Variants in MSI2 observed in about 807,000 individuals in gnomAD.
MSI2 encodes RNA-binding protein Musashi homolog 2.
A neutral mutation model predicts 45.6 loss-of-function variants in MSI2; 17 were observed. The ratio of observed to expected loss-of-function variants is 0.37; its 90% CI spans 0.26 to 0.56. The LOEUF (loss-of-function observed/expected upper bound fraction) is 0.56, where lower values mean the gene tolerates loss of function less well. MSI2 is among the 20% of genes least tolerant of loss of function. The pLI, the probability that MSI2 is intolerant of heterozygous loss-of-function variation, is 0.77. For synonymous variants in MSI2, 156 were observed against 158.2 expected, an observed-to-expected ratio of 0.99 and a Z score of 0.11; for missense variants, 293 against 444.2, an observed-to-expected ratio of 0.66 and a Z score of 3.06.
chr17:57,579,223 G>A (rs536945502), intron 7 of MSI2, among the ~76,000 whole-genome samples: 91 of 152,298 alleles, frequency 6.0e-4, no homozygotes, highest in Middle Eastern at 6.8e-3. Context: ...TAAGGCCCCA[G>A]ACACAAATAA....
intron 7 of MSI2, among the ~76,000 whole-genome samples, chr17:57,570,572 C>T (rs2087851495): frequency 6.6e-6 from 1 of 152,224 alleles, no homozygotes; most frequent in African/African-American, 2.4e-5. Flanking sequence ...ACACTCTTCC[C>T]TGCCTGCCTT....
At chr17:57,580,770 T>A (rs2088179835) in intron 7 of MSI2, among the ~76,000 whole-genome samples, 1 of 152,122 alleles carries the variant, frequency 6.6e-6, no homozygotes, top group African/African-American at 2.4e-5. Context: ...TGAGTTCAAA[T>A]ACACTTCCAA....
chr17:57,393,422 T>C (rs958635826), intron 5 of MSI2, among the ~76,000 whole-genome samples: 2 of 152,242 alleles, frequency 1.3e-5, no homozygotes, highest in Admixed American at 6.5e-5. Flanking sequence ...CATAACGCTT[T>C]CAAGGTTCAT....
At chr17:57,433,536 G>A (rs565310026) in intron 6 of MSI2, among the ~76,000 whole-genome samples, 26 of 152,300 alleles carry the variant, frequency 1.7e-4, no homozygotes, top group South Asian at 1.2e-3. Context: ...CTAGAACTGC[G>A]AGACGTAAAT....
At chr17:57,342,631 A>C (rs1488802067) in intron 5 of MSI2, among the ~76,000 whole-genome samples, 1 of 152,214 alleles carries the variant, frequency 6.6e-6, no homozygotes, top group East Asian at 1.9e-4. Context: ...TCACAGTTGC[A>C]GTCTCTTTCT....
chr17:57,451,439 C>A (rs1442855792), intron 6 of MSI2, among the ~76,000 whole-genome samples: 1 of 152,190 alleles, frequency 6.6e-6, no homozygotes, highest in Non-Finnish European at 1.5e-5. Context: ...GTTGTTGTTT[C>A]AGAAGCAACA....
intron 7 of MSI2, among the ~76,000 whole-genome samples, chr17:57,582,130 C>T (rs1257954060): frequency 6.6e-6 from 1 of 152,104 alleles, no homozygotes; most frequent in African/African-American, 2.4e-5. Context: ...GGTCCACACC[C>T]GCTGGCAGTC....
intron 6 of MSI2, among the ~76,000 whole-genome samples, chr17:57,476,489 C>T (rs1054324079): frequency 2.0e-5 from 3 of 152,198 alleles, no homozygotes; most frequent in African/African-American, 4.8e-5. Context: ...GTAGTGCTAG[C>T]TGCTGGTATA....
intron 6 of MSI2, among the ~76,000 whole-genome samples, chr17:57,458,045 G>GTA (rs1201840686): frequency 4.0e-5 from 6 of 150,874 alleles, no homozygotes; most frequent in African/African-American, 1.5e-4. Flanking sequence ...ATACCATATT[G>GTA]CATATATATA....
chr17:57,539,286 T>C (rs543529123), intron 7 of MSI2, among the ~76,000 whole-genome samples: 1 of 152,116 alleles, frequency 6.6e-6, no homozygotes, highest in Admixed American at 6.5e-5. Flanking sequence ...TTTTGTACCT[T>C]ATGCACTTAT....
chr17:57,324,281 C>T (rs1913600337), intron 5 of MSI2, among the ~76,000 whole-genome samples: 1 of 152,184 alleles, frequency 6.6e-6, no homozygotes, highest in Non-Finnish European at 1.5e-5. Flanking sequence ...CCTGGTCCTG[C>T]GAGGGATGCA....
intron 6 of MSI2, among the ~76,000 whole-genome samples, chr17:57,455,808 G>A (rs12950125): frequency 0.19 from 28,998 of 152,126 alleles, 2,929 homozygotes; most frequent in Non-Finnish European, 0.22. Flanking sequence ...GATTTGCTGC[G>A]TCACCTTGGG....
chr17:57,526,356 GGTGTGTGTGT>G lies in MSI2; in HGVS notation c.406-3276_406-3267del, dbSNP rs71143203. ...TCTTCATAGCCCCCTGATATACCTGGGTGTGTGTGTGTGTGTGTGTGTGTGTGTGTGTGTG... is the reference window on the plus strand; with the variant it reads ...TCTTCATAGCCCCCTGATATACCTGGGTGTGTGTGTGTGTGTGTGTGTGTG... On this transcript the variant is annotated intron_variant, in intron 6 of 13. Transcript: ENST00000284073. Among the ~76,000 whole-genome samples the G allele has an allele frequency of 6.9e-3, 844 of 122,584 alleles. 4 individuals carry two copies. The highest frequency in any genetic ancestry group is 0.019 in the African/African-American group (593 of 31,352). The allele number at this position is 122,584 out of a possible 152,430, so 80.4% of individuals were successfully genotyped here.
At chr17:57,405,008 A>G (rs1202574154) in intron 6 of MSI2, among the ~76,000 whole-genome samples, 3 of 152,054 alleles carry the variant, frequency 2.0e-5, no homozygotes, top group Non-Finnish European at 4.4e-5. Context: ...ACACGTCACC[A>G]TGAGCTACCC....
intron 6 of MSI2, among the ~76,000 whole-genome samples, chr17:57,411,376 G>A (rs1416237006): frequency 6.6e-6 from 1 of 152,192 alleles, no homozygotes; most frequent in Non-Finnish European, 1.5e-5. Context: ...CAAAAAGGGA[G>A]GACGTATTGA....
chr17:57,284,354 TGTA>T (rs1434028012), intron 5 of MSI2, among the ~76,000 whole-genome samples: 1 of 152,122 alleles, frequency 6.6e-6, no homozygotes, highest in Non-Finnish European at 1.5e-5. Flanking sequence ...CCGAAACGTT[TGTA>T]GTACAGCTGC....
Position 57,659,319 on chromosome 17 carries a change from C to T in MSI2, c.790+7158C>T, listed in dbSNP as rs992138902. Among the ~76,000 whole-genome samples the T allele has an allele frequency of 2.0e-5, 3 of 151,978 alleles. No individual in the cohort carries two copies. The East Asian group carries it at 5.8e-4, about 29-fold the overall frequency. ...CTATATTGCTCAAGCTGGTCTCAAA[C>T]TCCTGGCCTGAAATGATCCTCCTAC... On this transcript the variant is annotated intron_variant, in intron 11 of 13. Coordinates refer to ENST00000284073, the MANE Select transcript of MSI2 (RefSeq NM_138962.4).
intron 13 of MSI2, among the ~76,000 whole-genome samples, chr17:57,678,303 C>T (rs558251686): frequency 7.2e-5 from 11 of 152,352 alleles, no homozygotes; most frequent in Non-Finnish European, 1.2e-4. Context: ...TCCCACCCCT[C>T]GCCTCCACTT....
rs552500422 is a variant in MSI2, at chr17:57,459,413, A to G, written c.405+57942A>G. Among the ~76,000 whole-genome samples the G allele has an allele frequency of 1.8e-4, 27 of 152,244 alleles. No individual in the cohort carries two copies. In the South Asian group the frequency reaches 4.2e-3, roughly 23 times the overall value. Reference sequence around the variant, plus strand: ...CTGGAGACAGGAAGGGAGAGATTTTAATCATCTGCTGTGGCTTTTGCTCTT... The same window carrying G: ...CTGGAGACAGGAAGGGAGAGATTTTGATCATCTGCTGTGGCTTTTGCTCTT... On this transcript the variant is annotated intron_variant, in intron 6 of 13. Coordinates refer to ENST00000284073, the MANE Select transcript of MSI2 (RefSeq NM_138962.4).
Sources: allele counts gnomAD v4.1 joint callset (sites outside exome capture counted in the v4.1 genomes callset), GRCh38; gene constraint gnomAD v4.1.1; transcripts MANE v1.5; gene names NCBI Gene and HGNC (gene_info 2026-07-23, HGNC 2026-07-21).